The following SLIT3 variants were observed in gnomAD, a reference collection of about 807,000 sequenced individuals.
The protein encoded by SLIT3 is slit guidance ligand 3.
Under a neutral mutation model 184.0 loss-of-function variants are expected in SLIT3, and 68 were observed. The observed-to-expected ratio is 0.37, with a 90% CI of 0.30 to 0.45. SLIT3 has a LOEUF of 0.45. SLIT3 is among the 20% of genes least tolerant of loss of function. The pLI is 1.00. For missense variants in SLIT3, 1,707 were observed against 2,026.0 expected, an observed-to-expected ratio of 0.84 and a Z score of 3.02; for synonymous variants, 831 against 828.6, an observed-to-expected ratio of 1.00 and a Z score of -0.05.
intron 14 of SLIT3, among the ~76,000 whole-genome samples, chr5:168,764,713 C>A (rs1755275308): frequency 6.6e-6 from 1 of 152,140 alleles, no homozygotes; most frequent in African/African-American, 2.4e-5. Flanking sequence ...TCCTCCTTTC[C>A]TTCTCTGCTC....
At chr5:168,945,731 G>C (rs1461996379) in intron 4 of SLIT3, among the ~76,000 whole-genome samples, 2 of 152,206 alleles carry the variant, frequency 1.3e-5, no homozygotes, top group Non-Finnish European at 1.5e-5. Flanking sequence ...AAACTCGGGT[G>C]TTTCCTCCTC....
At chr5:168,941,879 T>A (rs2113208442) in intron 4 of SLIT3, among the ~76,000 whole-genome samples, 1 of 152,264 alleles carries the variant, frequency 6.6e-6, no homozygotes, top group East Asian at 1.9e-4. Flanking sequence ...ATGAAAGAGG[T>A]CTACAGACTG....
rs144526633 is a variant in SLIT3 at position 168,883,303 on chromosome 5, C to A, written c.447G>T (p.Pro149=). The change falls in exon 5 of 36, where the codon CCG becomes CCT. Residue 149 remains proline, a synonymous_variant. Coordinates refer to ENST00000519560, the MANE Select transcript of SLIT3 (RefSeq NM_003062.4). ...CGGTGATGCCGCGGAACGCCTTCCT[C>A]GGGATCCCCTGGATCTGGTTTTCAC... ...DLSENQIQGI[P]RKAFRGITDV... The A allele has an allele frequency of 6.2e-7, 1 of 1,614,132 alleles. No homozygotes were observed. Among genetic ancestry groups the A allele is most frequent in the Admixed American group, 1.7e-5 (1 of 60,030 alleles).
At chr5:169,087,982 C>A (rs1226070753) in intron 4 of SLIT3, among the ~76,000 whole-genome samples, 1 of 152,178 alleles carries the variant, frequency 6.6e-6, no homozygotes, top group African/African-American at 2.4e-5. Context: ...CTCCTACCAC[C>A]CTTTTTCTCT....
intron 5 of SLIT3, among the ~76,000 whole-genome samples, chr5:168,864,244 C>T (rs2113754257): frequency 6.6e-6 from 1 of 152,246 alleles, no homozygotes; most frequent in South Asian, 2.1e-4. Context: ...TGCTTAAAAA[C>T]ACAAGTGGTA....
At chr5:169,237,362 C>G (rs183369273) in intron 3 of SLIT3, among the ~76,000 whole-genome samples, 1 of 152,272 alleles carries the variant, frequency 6.6e-6, no homozygotes, top group East Asian at 1.9e-4. Context: ...TTTTACCATC[C>G]TAAACCCCAC....
At chr5:168,703,582 C>T (rs1369854173) in intron 26 of SLIT3, among the ~76,000 whole-genome samples, 2 of 152,066 alleles carry the variant, frequency 1.3e-5, no homozygotes, top group African/African-American at 2.4e-5. Flanking sequence ...AGACCATGCC[C>T]ACCACCCTAG....
chr5:168,684,096 C>G lies in SLIT3; in HGVS notation c.3556G>C (p.Val1186Leu), dbSNP rs1035584913. The G allele has an allele frequency of 1.3e-6, 2 of 1,591,392 alleles. No homozygotes were observed. The highest frequency in any genetic ancestry group is 2.7e-5 in the African/African-American group (2 of 74,010). Reference sequence around the variant, plus strand: ...ATGCCGTTGTCCTTGTCAGTGGCCACCTGGAGAAAGCAGCCGGGGCGTGTT... The same window carrying G: ...ATGCCGTTGTCCTTGTCAGTGGCCAGCTGGAGAAAGCAGCCGGGGCGTGTT... ...VRPQANISLQ[V>L]ATDKDNGILL... Residue 1186 changes from valine (V) to leucine (L), a missense_variant and splice_region_variant, in exon 32 of 36, where the codon GTG (valine) becomes CTG (leucine). Val to Leu is a conservative substitution (Grantham distance 32, BLOSUM62 1). This residue lies in a region of SLIT3 where 387 missense variants were observed against 477.9 expected (regional missense o/e 0.81). Transcript: ENST00000519560.
chr5:169,129,820 GGTTT>G (rs1255001867), intron 4 of SLIT3, among the ~76,000 whole-genome samples: 1 of 149,862 alleles, frequency 6.7e-6, no homozygotes, highest in Non-Finnish European at 1.5e-5. Flanking sequence ...TTTCTTTGGT[GGTTT>G]TTTTTGTTTG....
rs554910427 is a variant in SLIT3 at position 169,176,355 on chromosome 5, G to A, written c.413+17124C>T. On this transcript the variant is annotated intron_variant, in intron 4 of 35. Coordinates refer to ENST00000519560, the MANE Select transcript of SLIT3 (RefSeq NM_003062.4). ...TGAATGCCAGGTCTGCGATTTCTTC[G>A]CTGAATGAGCTTGCCTAAAACACCT... Among the ~76,000 whole-genome samples, 5 of 152,228 alleles carry A rather than the reference G, an allele frequency of 3.3e-5. No individual in the cohort carries two copies. The South Asian group carries it at 8.3e-4, about 25-fold the overall frequency.
chr5:169,274,924 GT>G (rs932594181), intron 1 of SLIT3, among the ~76,000 whole-genome samples: 2 of 152,244 alleles, frequency 1.3e-5, no homozygotes, highest in African/African-American at 2.4e-5. Context: ...TCATAGGGTT[GT>G]TGTGAGAATT....
chr5:169,280,870 TCATA>T (rs1336145404), intron 1 of SLIT3, among the ~76,000 whole-genome samples: 1 of 152,156 alleles, frequency 6.6e-6, no homozygotes, highest in Non-Finnish European at 1.5e-5. Context: ...ACGAGAACAG[TCATA>T]CATATAACAC....
chr5:168,932,238 A>G (rs1435153336), intron 4 of SLIT3, among the ~76,000 whole-genome samples: 1 of 139,172 alleles, frequency 7.2e-6, no homozygotes, highest in African/African-American at 2.8e-5. Context: ...TTCCTGACAC[A>G]GTTTTTTTGT....
chr5:168,884,540 C>A, intron 4 of SLIT3, among the ~76,000 whole-genome samples: 1 of 28,452 alleles, frequency 3.5e-5, no homozygotes, highest in South Asian at 1.5e-3. Flanking sequence ...CTACTGCTAC[C>A]AATTACGAGA....
intron 1 of SLIT3, among the ~76,000 whole-genome samples, chr5:169,279,283 C>T (rs1274787770): frequency 1.3e-5 from 2 of 152,170 alleles, no homozygotes; most frequent in African/African-American, 4.8e-5. Flanking sequence ...AAATAGCAGA[C>T]CCCTGCAGGT....
At position 168,666,496 on chromosome 5, in the gene SLIT3, C is replaced by T; in HGVS notation, c.4530G>A (p.Glu1510=). Residue 1510 remains glutamate, a synonymous_variant, in exon 36 of 36, where the codon GAG becomes GAA. Transcript: ENST00000519560. Reference sequence around the variant, plus strand: ...AGCCGCACTCTAAGTGTCTCTCCACCTCTTCTACAAACGAGGAGCCGTCCG... The same window carrying T: ...AGCCGCACTCTAAGTGTCTCTCCACTTCTTCTACAAACGAGGAGCCGTCCG... The part of the protein sequence containing the change: ...QCTDGSSFVE[E]VERHLECGCL... 3 of 1,604,758 alleles carry T rather than the reference C, an allele frequency of 1.9e-6. No individual in the cohort carries two copies. Among genetic ancestry groups the T allele is most frequent in the Non-Finnish European group, 2.6e-6 (3 of 1,175,052 alleles).
In SLIT3 at chr5:168,685,998, C is replaced by G. The variant is rs529292819; in HGVS notation, c.3315-71G>C. 211 of 1,493,486 alleles carry G rather than the reference C, an allele frequency of 1.4e-4. No individual in the cohort carries two copies. The African/African-American group carries it at 2.8e-3, about 20-fold the overall frequency. The allele number at this position is 1,493,486 out of a possible 1,614,324, so 92.5% of individuals were successfully genotyped here. A position where few individuals can be genotyped will look rare whatever the true frequency, so the allele number is the denominator to read the frequency against. On this transcript the variant is annotated intron_variant, in intron 30 of 35. Coordinates refer to ENST00000519560, the MANE Select transcript of SLIT3 (RefSeq NM_003062.4). ...GAGGAGACAATCACAGTTACTCAGG[C>G]CAAAGAACCTCGAGCAGAGAGGTAG...
At chr5:169,175,987 A>G (rs1762971857) in intron 4 of SLIT3, among the ~76,000 whole-genome samples, 3 of 152,222 alleles carry the variant, frequency 2.0e-5, no homozygotes. Flanking sequence ...AAGTCCATGA[A>G]GTAAGCTCTT....
At position 168,771,609 on chromosome 5, in the gene SLIT3, C is replaced by T. The variant is rs146869476; in HGVS notation, c.1459+1172G>A. On this transcript the variant is annotated intron_variant, in intron 14 of 35. Transcript: ENST00000519560. ...GGTGAAAGATGGCTGTTGTAACTGA[C>T]ATCATTATTCTAGGGAAGGGAAGTC... Among the ~76,000 whole-genome samples, 263 of 152,294 alleles carry T rather than the reference C, an allele frequency of 1.7e-3. 2 individuals are homozygous for T. Among genetic ancestry groups the T allele is most frequent in the African/African-American group, 5.6e-3 (233 of 41,552 alleles).
Sources: gnomAD v4.1 joint callset for allele counts (sites outside exome capture counted in the v4.1 genomes callset) on GRCh38, gnomAD v4.1.1 for gene constraint, gnomAD v4.1.1 regional missense constraint, MANE v1.5 for transcripts, NCBI Gene and HGNC (gene_info 2026-07-23, HGNC 2026-07-21) for gene names.